The following GKAP1 variants were observed in gnomAD, a reference collection of about 807,000 sequenced individuals.
The protein encoded by GKAP1 is G kinase-anchoring protein 1.
Under a neutral mutation model 56.7 loss-of-function variants are expected in GKAP1, and 31 were observed. The ratio of observed to expected loss-of-function variants is 0.55; its 90% CI spans 0.41 to 0.74. GKAP1 has a LOEUF of 0.74. Ranked by LOEUF, GKAP1 falls within the 30% of genes least tolerant of loss-of-function variation. The pLI, the probability that GKAP1 is intolerant of heterozygous loss-of-function variation, is 0.00. For synonymous variants in GKAP1, 151 were observed against 138.6 expected, an observed-to-expected ratio of 1.09 and a Z score of -0.63; for missense variants, 364 against 402.3, an observed-to-expected ratio of 0.90 and a Z score of 0.82.
chr9:83,752,980 T>G (rs114843054), intron 9 of GKAP1, among the ~76,000 whole-genome samples: 1 of 151,734 alleles, frequency 6.6e-6, no homozygotes, highest in Non-Finnish European at 1.5e-5. Flanking sequence ...GGAGAATCGC[T>G]TGAACCCAGG....
intron 7 of GKAP1, among the ~76,000 whole-genome samples, chr9:83,769,826 T>A (rs1481669532): frequency 6.6e-6 from 1 of 152,200 alleles, no homozygotes; most frequent in Admixed American, 6.5e-5. Flanking sequence ...TACAATCCCA[T>A]CAGCAGTCAA....
rs1944443223 is a variant in GKAP1, at chr9:83,806,576, A to G, written c.-43-16T>C. On this transcript the variant is annotated splice_polypyrimidine_tract_variant and intron_variant, in intron 2 of 12. Transcript: ENST00000376371. ...AGAATAATTTCTGTGGGGAGGCAGAAGAGTAGGCAGATGGGTAAACAAACA... is the reference window on the plus strand; with the variant it reads ...AGAATAATTTCTGTGGGGAGGCAGAGGAGTAGGCAGATGGGTAAACAAACA... The G allele has an allele frequency of 1.4e-6, 2 of 1,399,996 alleles. No homozygotes were observed. The highest frequency in any genetic ancestry group is 1.4e-5 in the African/African-American group (1 of 69,738). 86.7% of individuals were successfully genotyped at this position (1,399,996 alleles called of 1,614,324 possible). A position where few individuals can be genotyped will look rare whatever the true frequency, so the allele number is the denominator to read the frequency against.
At chr9:83,762,995 T>C (rs1943599841) in intron 8 of GKAP1, among the ~76,000 whole-genome samples, 1 of 152,220 alleles carries the variant, frequency 6.6e-6, no homozygotes, top group South Asian at 2.1e-4. Context: ...CTCCCATGTT[T>C]ATCACAGCAC....
At chr9:83,762,051 C>T (rs775373443) in intron 8 of GKAP1, among the ~76,000 whole-genome samples, 2 of 152,000 alleles carry the variant, frequency 1.3e-5, no homozygotes, top group Non-Finnish European at 2.9e-5. Flanking sequence ...GAAGTCCTAG[C>T]TAGAGTAATC....
chr9:83,741,360 TCACACA>T (rs35325635), intron 12 of GKAP1, among the ~76,000 whole-genome samples: 6 of 48,568 alleles, frequency 1.2e-4, no homozygotes, highest in Admixed American at 7.1e-4. Flanking sequence ...AATATATCTC[TCACACA>T]CACACACACA....
At chr9:83,815,078 A>C (rs556550190) in intron 2 of GKAP1, among the ~76,000 whole-genome samples, 1 of 152,298 alleles carries the variant, frequency 6.6e-6, no homozygotes, top group East Asian at 1.9e-4. Flanking sequence ...AGGCTGAGGC[A>C]GGAGAATCGC....
At chr9:83,740,876 T>C (rs1943194976) in intron 12 of GKAP1, among the ~76,000 whole-genome samples, 1 of 152,072 alleles carries the variant, frequency 6.6e-6, no homozygotes, top group Non-Finnish European at 1.5e-5. Context: ...AACATCAACA[T>C]TATAAAACAA....
At chr9:83,804,541 G>A (rs566015341) in intron 3 of GKAP1, among the ~76,000 whole-genome samples, 1,929 of 73,898 alleles carry the variant, frequency 0.026, 102 homozygotes, top group Middle Eastern at 0.042. Context: ...TCAGCCCCCC[G>A]CCCAGCCAGA....
At chr9:83,780,252 G>A (rs972443469) in intron 7 of GKAP1, 130 bp downstream of exon 7, 1 of 560,290 alleles carries the variant, frequency 1.8e-6, no homozygotes, top group Non-Finnish European at 3.2e-6. Context: ...ACATGACTGG[G>A]TTCACTCAAG....
intron 4 of GKAP1, among the ~76,000 whole-genome samples, chr9:83,790,727 C>T (rs1355964949): frequency 2.0e-5 from 3 of 151,728 alleles, no homozygotes; most frequent in Non-Finnish European, 4.4e-5. Flanking sequence ...GCAGGAGTAT[C>T]GCTTAAACCC....
At chr9:83,805,845 G>A (rs948990095) in intron 3 of GKAP1, among the ~76,000 whole-genome samples, 1 of 152,176 alleles carries the variant, frequency 6.6e-6, no homozygotes, top group Non-Finnish European at 1.5e-5. Context: ...GGCAGGGTGT[G>A]GTGGCTCACG....
chr9:83,804,406 A>G (rs1587739460), intron 3 of GKAP1, among the ~76,000 whole-genome samples: 3 of 118,218 alleles, frequency 2.5e-5, no homozygotes, highest in Non-Finnish European at 3.5e-5. Context: ...GGGGGGGGTC[A>G]GCCCCCCGCC....
At chr9:83,808,129 T>C (rs538904518) in intron 2 of GKAP1, among the ~76,000 whole-genome samples, 72 of 152,312 alleles carry the variant, frequency 4.7e-4, no homozygotes, top group African/African-American at 1.6e-3. Flanking sequence ...TGTACAGAGA[T>C]GATACCACAT....
intron 10 of GKAP1, among the ~76,000 whole-genome samples, chr9:83,746,308 A>G (rs996025435): frequency 6.6e-6 from 1 of 152,198 alleles, no homozygotes; most frequent in African/African-American, 2.4e-5. Context: ...CTTGCAGGAC[A>G]TCCCGAGGAC....
chr9:83,812,332 T>C lies in GKAP1; in HGVS notation c.-44+4664A>G, dbSNP rs1279962847. Reference sequence around the variant, plus strand: ...ACATATATATGTATATATACACACGTATATATATACACGTATATATATATA... The same window carrying C: ...ACATATATATGTATATATACACACGCATATATATACACGTATATATATATA... On this transcript the variant is annotated intron_variant, in intron 2 of 12. Coordinates refer to ENST00000376371, the MANE Select transcript of GKAP1 (RefSeq NM_025211.4). 3.4e-5 allele frequency among the ~76,000 whole-genome samples: 5 copies of C among 148,272 alleles called. 1 individual carries two copies. The South Asian group carries it at 6.3e-4, about 19-fold the overall frequency.
intron 8 of GKAP1, among the ~76,000 whole-genome samples, chr9:83,759,239 A>G (rs1173691540): frequency 6.6e-6 from 1 of 152,020 alleles, no homozygotes; most frequent in Non-Finnish European, 1.5e-5. Flanking sequence ...GCCCTAAATA[A>G]TGTATTAAAT....
chr9:83,786,115 T>C (rs1458876528), intron 5 of GKAP1, among the ~76,000 whole-genome samples: 4 of 152,192 alleles, frequency 2.6e-5, no homozygotes, highest in African/African-American at 9.7e-5. Context: ...AAGCCTTCTA[T>C]TATTCTGAAT....
At chr9:83,762,704 C>T (rs2378660) in intron 8 of GKAP1, among the ~76,000 whole-genome samples, 82,869 of 151,756 alleles carry the variant, frequency 0.55, 23,518 homozygotes, top group Admixed American at 0.69. Context: ...CACACACACA[C>T]AGACCAATGG....
intron 4 of GKAP1, among the ~76,000 whole-genome samples, chr9:83,797,923 C>T (rs533024990): frequency 2.6e-4 from 39 of 152,146 alleles, no homozygotes; most frequent in African/African-American, 8.2e-4. Context: ...TATTTGTAAA[C>T]AAGAATCGGT....
Sources: gnomAD v4.1 joint callset for allele counts (sites outside exome capture counted in the v4.1 genomes callset) on GRCh38, gnomAD v4.1.1 for gene constraint, MANE v1.5 for transcripts, NCBI Gene and HGNC (gene_info 2026-07-23, HGNC 2026-07-21) for gene names.